The following LAMA1 variants were observed in gnomAD, a reference collection of about 807,000 sequenced individuals.
LAMA1 encodes laminin subunit alpha-1.
In LAMA1, 219 loss-of-function variants were observed where a neutral mutation model predicts 348.7. The ratio of observed to expected loss-of-function variants is 0.63; its 90% CI spans 0.56 to 0.70. LAMA1 has a LOEUF of 0.70. Ranked by LOEUF, LAMA1 falls within the 30% of genes least tolerant of loss-of-function variation. The pLI is 0.00. For missense variants in LAMA1, 3,744 were observed against 3,888.0 expected (o/e 0.96, Z 0.99); for synonymous variants, 1,487 against 1,491.0 (o/e 1.00, Z 0.06).
intron 44 of LAMA1, 40 bp from the exon 45 acceptor site, chr18:6,976,120 C>CA: frequency 6.2e-7 from 1 of 1,609,180 alleles, no homozygotes; most frequent in Non-Finnish European, 8.5e-7. Context: ...CATTTAGTGA[C>CA]ACACACCGGC....
At chr18:7,024,313 TA>T in intron 18 of LAMA1, 66 bp downstream of exon 18, 1 of 1,281,966 alleles carries the variant, frequency 7.8e-7, no homozygotes, top group Middle Eastern at 1.9e-4. Context: ...ACTACGCATT[TA>T]AAAATAAACA....
chr18:7,087,835 G>T (rs1017922516), intron 1 of LAMA1, among the ~76,000 whole-genome samples: 1 of 152,128 alleles, frequency 6.6e-6, no homozygotes, highest in African/African-American at 2.4e-5. Context: ...TGAATGATGA[G>T]AAGCACGGCA....
chr18:7,035,881 G>A (rs2057992143), intron 13 of LAMA1, 106 bp downstream of exon 13: 4 of 893,164 alleles, frequency 4.5e-6, no homozygotes, highest in South Asian at 4.2e-5. Flanking sequence ...TGGCCACCTG[G>A]CCACCAGCTC....
chr18:6,954,500 CAAG>C (rs887589266), intron 57 of LAMA1: 2 of 152,570 alleles, frequency 1.3e-5, no homozygotes, highest in African/African-American at 4.8e-5. Flanking sequence ...AGAGTGGAGA[CAAG>C]AAGAAAGGGG....
chr18:7,066,194 C>T (rs1336478079), intron 3 of LAMA1, among the ~76,000 whole-genome samples: 1 of 152,154 alleles, frequency 6.6e-6, no homozygotes, highest in Non-Finnish European at 1.5e-5. Flanking sequence ...CTTAAAACGA[C>T]AAATCCAGAG....
At chr18:7,087,018 T>C (rs1350991381) in intron 1 of LAMA1, among the ~76,000 whole-genome samples, 1 of 152,156 alleles carries the variant, frequency 6.6e-6, no homozygotes, top group Admixed American at 6.5e-5. Context: ...CTTTGATCTT[T>C]TTGGACAAAA....
At chr18:6,989,701 C>A (rs1600376033) in intron 36 of LAMA1, among the ~76,000 whole-genome samples, 1 of 149,150 alleles carries the variant, frequency 6.7e-6, no homozygotes, top group African/African-American at 2.5e-5. Context: ...CTGAGGGGAA[C>A]AGGTGGGGGT....
chr18:6,967,588 G>C (rs1041843765), intron 48 of LAMA1, among the ~76,000 whole-genome samples: 4 of 152,174 alleles, frequency 2.6e-5, no homozygotes, highest in Non-Finnish European at 5.9e-5. Flanking sequence ...ACAGTGCCTG[G>C]CACACAACAG....
intron 3 of LAMA1, among the ~76,000 whole-genome samples, chr18:7,064,890 TA>T (rs1421810147): frequency 7.9e-5 from 12 of 152,300 alleles, no homozygotes; most frequent in African/African-American, 2.9e-4. Context: ...GAAAAGGTCT[TA>T]GAAACTGTTG....
At chr18:7,027,497 T>A (rs887592339) in intron 16 of LAMA1, among the ~76,000 whole-genome samples, 27 of 151,648 alleles carry the variant, frequency 1.8e-4, no homozygotes, top group African/African-American at 6.1e-4. Context: ...AGAGCTGGGT[T>A]TTTTTTTATG....
In LAMA1 at chr18:7,023,263, C is replaced by T. The variant is rs1156817968; in HGVS notation, c.2602G>A (p.Gly868Arg). The part of the protein sequence containing the change: ...SEAGHCDSVT[G>R]ECLKCLGNTD... The stretch of plus-strand genomic sequence containing the variant: ...TTCCCCAGGCACTTCAGGCACTCCC[C>T]GGTGACTGAGTCACAGTGACCAGCC... Residue 868 changes from glycine (G) to arginine (R), a missense_variant, in exon 19 of 63, where the codon GGG (glycine) becomes AGG (arginine). By Grantham distance (125) the Gly-to-Arg change is moderately radical (BLOSUM62 -2). This residue lies in a region of LAMA1 where 1,529 missense variants were observed against 1,689.4 expected (regional missense o/e 0.91). Coordinates refer to ENST00000389658, the MANE Select transcript of LAMA1 (RefSeq NM_005559.4). 5.6e-6 allele frequency: 9 copies of T among 1,613,956 alleles called. No individual in the cohort carries two copies. Among genetic ancestry groups the T allele is most frequent in the South Asian group, 2.2e-5 (2 of 91,070 alleles).
intron 1 of LAMA1, among the ~76,000 whole-genome samples, chr18:7,111,429 G>A (rs2058335493): frequency 1.3e-5 from 2 of 152,192 alleles, no homozygotes; most frequent in African/African-American, 4.8e-5. Flanking sequence ...AAGCTCTCCT[G>A]AGCCAGCCTT....
intron 1 of LAMA1, among the ~76,000 whole-genome samples, chr18:7,109,800 C>T (rs769648818): frequency 1.8e-4 from 10 of 56,954 alleles, no homozygotes; most frequent in Non-Finnish European, 2.7e-4. Context: ...GAGAACATTA[C>T]GAAGGCGGTA....
At chr18:7,038,699 T>G in intron 11 of LAMA1, 111 bp downstream of exon 11, 90 of 1,404,112 alleles carry the variant, frequency 6.4e-5, no homozygotes, top group Non-Finnish European at 7.3e-5. Context: ...TGCATAGCGA[T>G]GAGAGTGGTG....
At chr18:7,067,377 C>T (rs1444390704) in intron 3 of LAMA1, among the ~76,000 whole-genome samples, 1 of 151,916 alleles carries the variant, frequency 6.6e-6, no homozygotes, top group Non-Finnish European at 1.5e-5. Context: ...ATCTGACAAA[C>T]CTCATGCTCA....
Position 7,050,954 on chromosome 18 carries a change from A to C in LAMA1, c.346-18T>G. 6.2e-7 allele frequency: 1 copy of C among 1,613,712 alleles called. No homozygotes were observed. The highest frequency in any genetic ancestry group is 8.5e-7 in the Non-Finnish European group (1 of 1,179,794). On this transcript the variant is annotated intron_variant, in intron 3 of 62. Transcript: ENST00000389658. ...TGAAAGACCTGAAACAAAGACACTG[A>C]AAAGTCTCAATCCAGAATCAATACA...
intron 58 of LAMA1, 92 bp downstream of exon 58, chr18:6,950,690 G>A: frequency 7.3e-7 from 1 of 1,377,124 alleles, no homozygotes; most frequent in Non-Finnish European, 1.0e-6. Context: ...AGAGATTAAT[G>A]GGGATAATGT....
At chr18:6,944,522 T>G (rs1409852021) in intron 61 of LAMA1, among the ~76,000 whole-genome samples, 2 of 152,120 alleles carry the variant, frequency 1.3e-5, no homozygotes, top group Non-Finnish European at 2.9e-5. Flanking sequence ...AGATGGAGCT[T>G]TTAAAGAGGT....
At position 6,982,456 on chromosome 18, in the gene LAMA1, G is replaced by A. The variant is rs139231144; in HGVS notation, c.5890+41C>T. ...AGAGGCTGCTCAGCGAGACGCTCAC[G>A]CTCACTCTGCCTGTCTACACCGTCC... is the stretch of plus-strand genomic sequence containing the variant. On this transcript the variant is annotated intron_variant, in intron 41 of 62. Coordinates refer to ENST00000389658, the MANE Select transcript of LAMA1 (RefSeq NM_005559.4). 4.9e-5 allele frequency: 75 copies of A among 1,526,172 alleles called. No homozygotes were observed. The African/African-American group carries it at 8.5e-4, about 17-fold the overall frequency. The allele number at this position is 1,526,172 out of a possible 1,614,324, so 94.5% of individuals were successfully genotyped here. A position where few individuals can be genotyped will look rare whatever the true frequency, so the allele number is the denominator to read the frequency against.
Sources: gnomAD v4.1 joint callset for allele counts (sites outside exome capture counted in the v4.1 genomes callset) on GRCh38, gnomAD v4.1.1 for gene constraint, gnomAD v4.1.1 regional missense constraint, MANE v1.5 for transcripts, NCBI Gene and HGNC (gene_info 2026-07-23, HGNC 2026-07-21) for gene names.